Variants in PGBD5 observed in about 807,000 individuals in gnomAD.
PGBD5 encodes the protein piggyBac transposable element derived 5.
A neutral mutation model predicts 47.9 loss-of-function variants in PGBD5; 14 were observed. The ratio of observed to expected loss-of-function variants is 0.29; its 90% CI spans 0.19 to 0.46. The LOEUF (loss-of-function observed/expected upper bound fraction) is 0.46. Ranked by LOEUF, PGBD5 falls within the 20% of genes least tolerant of loss-of-function variation. The pLI, the probability that PGBD5 is intolerant of heterozygous loss-of-function variation, is 1.00. For missense variants in PGBD5, 635 were observed against 716.0 expected (o/e 0.89, Z 1.29); for synonymous variants, 316 against 306.3 (o/e 1.03, Z -0.33).
At position 230,425,455 on chromosome 1, in the gene PGBD5, G is replaced by A. The variant is rs1571869622; in HGVS notation, c.331+143C>T. ...CCCAGGAGCAGTCAGACCGATCACC[G>A]CTCCTGCAGCCTCATTTGTTTCCGG... On this transcript the variant is annotated intron_variant, in intron 1 of 6. Coordinates refer to ENST00000391860, the MANE Select transcript of PGBD5 (RefSeq NM_001258311.2). The surrounding 1 kb of genome is among the most constrained non-coding windows in gnomAD (Gnocchi z 4.7). 1 of 599,950 alleles carries A rather than the reference G, an allele frequency of 1.7e-6. No individual in the cohort carries two copies. The allele number at this position is 599,950 out of a possible 1,614,324, so 37.2% of individuals were successfully genotyped here. A position where few individuals can be genotyped will look rare whatever the true frequency, so the allele number is the denominator to read the frequency against.
intron 1 of PGBD5, among the ~76,000 whole-genome samples, chr1:230,405,367 T>C (rs1657277348): frequency 6.6e-6 from 1 of 152,152 alleles, no homozygotes; most frequent in Non-Finnish European, 1.5e-5. Context: ...CTTCTCAACC[T>C]GAAGAAGGCG....
chr1:230,332,299 T>A (rs993658119), intron 5 of PGBD5, among the ~76,000 whole-genome samples: 1 of 152,228 alleles, frequency 6.6e-6, no homozygotes, highest in Non-Finnish European at 1.5e-5. Flanking sequence ...AGTGTTCTTT[T>A]CAGTGGTTTA....
intron 3 of PGBD5, among the ~76,000 whole-genome samples, chr1:230,348,945 T>G (rs954623946): frequency 2.0e-5 from 3 of 152,188 alleles, no homozygotes; most frequent in African/African-American, 7.2e-5. Context: ...TGACTGGGAG[T>G]TGTCAGCTTC....
At chr1:230,348,802 CT>C (rs1361961249) in intron 3 of PGBD5, among the ~76,000 whole-genome samples, 1 of 151,812 alleles carries the variant, frequency 6.6e-6, no homozygotes, top group Non-Finnish European at 1.5e-5. Context: ...ACTGCGGGGG[CT>C]GAGAAAGTTC....
At chr1:230,338,092 G>A (rs1345202473) in intron 3 of PGBD5, among the ~76,000 whole-genome samples, 1 of 152,216 alleles carries the variant, frequency 6.6e-6, no homozygotes, top group African/African-American at 2.4e-5. Flanking sequence ...ATAGATCTGA[G>A]CCTGCCACAG....
At chr1:230,387,439 G>A (rs377297477) in intron 1 of PGBD5, among the ~76,000 whole-genome samples, 2 of 152,268 alleles carry the variant, frequency 1.3e-5, no homozygotes, top group African/African-American at 4.8e-5. Flanking sequence ...CAGGCTGCAG[G>A]CTTGGGGAAG....
At chr1:230,355,050 C>T (rs1022305111) in intron 2 of PGBD5, among the ~76,000 whole-genome samples, 2 of 152,192 alleles carry the variant, frequency 1.3e-5, no homozygotes, top group African/African-American at 4.8e-5. Context: ...CTGCAAGCCT[C>T]ATCACCTGGA....
At chr1:230,395,818 C>T (rs1488580993) in intron 1 of PGBD5, among the ~76,000 whole-genome samples, 1 of 33,422 alleles carries the variant, frequency 3.0e-5, no homozygotes, top group African/African-American at 1.5e-4. Flanking sequence ...TCCCACACTC[C>T]TCCCCATCCC....
rs1265509837 is a variant in PGBD5, at chr1:230,396,294, C to G, written c.331+29304G>C. 1.3e-4 allele frequency among the ~76,000 whole-genome samples: 14 copies of G among 106,640 alleles called. 1 individual carries two copies. In the East Asian group the frequency reaches 4.4e-3, roughly 33 times the overall value. 70.0% of individuals were successfully genotyped at this position (106,640 alleles called of 152,430 possible). A position where few individuals can be genotyped will look rare whatever the true frequency, so the allele number is the denominator to read the frequency against. ...TTTACCCCCACACTCTTCCCTTTTA[C>G]CCCCACACTCCTCCCTTTTACCCCA... On this transcript the variant is annotated intron_variant, in intron 1 of 6. Transcript: ENST00000391860.
rs1177194866 is a variant in PGBD5 at position 230,321,619 on chromosome 1, T to C, written c.*1806A>G. On this transcript the variant is annotated 3_prime_UTR_variant, in exon 7 of 7. Coordinates refer to ENST00000391860, the MANE Select transcript of PGBD5 (RefSeq NM_001258311.2). ...GCACCCCGCCTGTTCCCTGACCTTTTAAACGAATTCACGTATTAACGGAGA... is the reference window on the plus strand; with the variant it reads ...GCACCCCGCCTGTTCCCTGACCTTTCAAACGAATTCACGTATTAACGGAGA... 6.6e-6 allele frequency: 1 copy of C among 152,386 alleles called. No homozygotes were observed. The allele number at this position is 152,386 out of a possible 1,614,324, so 9.4% of individuals were successfully genotyped here.
intron 1 of PGBD5, among the ~76,000 whole-genome samples, chr1:230,410,043 C>T (rs1269473109): frequency 1.3e-5 from 2 of 151,952 alleles, no homozygotes; most frequent in Non-Finnish European, 2.9e-5. Context: ...AAGAGACATA[C>T]CTAAAAGGAC....
Position 230,357,083 on chromosome 1 carries a change from G to A in PGBD5, c.570C>T (p.Ser190=), listed in dbSNP as rs770190443. The change falls in exon 2 of 7, where the codon AGC becomes AGT. Residue 190 remains serine, a synonymous_variant. Coordinates refer to ENST00000391860, the MANE Select transcript of PGBD5 (RefSeq NM_001258311.2). The surrounding 1 kb of genome is among the most constrained non-coding windows in gnomAD (Gnocchi z 5.7). ...SHCESVLSIW[S]GGFYSNRSLA... ...GGCTGCGGTTGCTGTAGAAGCCTCC[G>A]CTCCAGATGCTGAGGACGGACTCGC... 17 of 1,614,040 alleles carry A rather than the reference G, an allele frequency of 1.1e-5. No individual in the cohort carries two copies. Among genetic ancestry groups the A allele is most frequent in the Middle Eastern group, 1.6e-4 (1 of 6,084 alleles).
intron 1 of PGBD5, among the ~76,000 whole-genome samples, chr1:230,419,794 A>G (rs1657606921): frequency 7.2e-5 from 11 of 152,160 alleles, no homozygotes; most frequent in Admixed American, 6.5e-4. Context: ...TTGCTTTATC[A>G]TTTGATGCTA....
At position 230,316,095 on chromosome 1, in the gene PGBD5, T is replaced by TATGTTTATGTGTATAC. The variant is rs1666942384; in HGVS notation, c.*7329_*7330insGTATACACATAAACAT. 7.3e-6 allele frequency: 1 copy of TATGTTTATGTGTATAC among 137,522 alleles called. No homozygotes were observed. The highest frequency in any genetic ancestry group is 2.5e-5 in the African/African-American group (1 of 39,538). 8.5% of individuals were successfully genotyped at this position (137,522 alleles called of 1,614,324 possible). On this transcript the variant is annotated 3_prime_UTR_variant, in exon 7 of 7. Transcript: ENST00000391860. ...ATACATGTTTATGTGTATACATACA[T>TATGTTTATGTGTATAC]ATGTTTATGTGTACACATATATCTA... is the stretch of plus-strand genomic sequence containing the variant.
chr1:230,348,438 G>C (rs1044297975), intron 3 of PGBD5, among the ~76,000 whole-genome samples: 2 of 152,168 alleles, frequency 1.3e-5, no homozygotes, highest in African/African-American at 4.8e-5. Flanking sequence ...CTGTCTGGCA[G>C]GTAACCCCTG....
chr1:230,403,011 C>T (rs1657181301), intron 1 of PGBD5, among the ~76,000 whole-genome samples: 2 of 152,196 alleles, frequency 1.3e-5, no homozygotes, highest in Admixed American at 6.5e-5. Flanking sequence ...CCATCATTTT[C>T]TTCCCAGCTG....
rs914221713 is a variant in PGBD5 at position 230,320,416 on chromosome 1, T to C, written c.*3009A>G. 5 of 152,184 alleles carry C rather than the reference T, an allele frequency of 3.3e-5. No individual in the cohort carries two copies. The highest frequency in any genetic ancestry group is 1.2e-4 in the African/African-American group (5 of 41,440). The allele number at this position is 152,184 out of a possible 1,614,324, so 9.4% of individuals were successfully genotyped here. ...TCTCTTTGGAGAAGCTTGGAAGTTTTTGTGGGTGTTTTGTTTTGCATAAGG... is the reference window on the plus strand; with the variant it reads ...TCTCTTTGGAGAAGCTTGGAAGTTTCTGTGGGTGTTTTGTTTTGCATAAGG... On this transcript the variant is annotated 3_prime_UTR_variant, in exon 7 of 7. Transcript: ENST00000391860.
At chr1:230,328,607 G>A (rs188204364) in intron 5 of PGBD5, among the ~76,000 whole-genome samples, 6 of 152,296 alleles carry the variant, frequency 3.9e-5, no homozygotes, top group Admixed American at 2.0e-4. Flanking sequence ...CTGCACACAT[G>A]TCTATCTTCT....
intron 1 of PGBD5, among the ~76,000 whole-genome samples, chr1:230,421,523 C>T (rs12067525): frequency 6.6e-6 from 1 of 152,076 alleles, no homozygotes. Context: ...GGCAACTTCT[C>T]GGCCACAGAG....
Sources: allele counts gnomAD v4.1 joint callset (sites outside exome capture counted in the v4.1 genomes callset), GRCh38; gene constraint gnomAD v4.1.1; non-coding constraint Gnocchi (gnomAD v3.1); transcripts MANE v1.5; gene names NCBI Gene and HGNC (gene_info 2026-07-23, HGNC 2026-07-21).